The following NR2C1 variants were observed in gnomAD, a reference collection of about 807,000 sequenced individuals.
NR2C1 encodes the protein nuclear receptor subfamily 2 group C member 1, also known as TR2 nuclear hormone receptor.
In NR2C1, 33 loss-of-function variants were observed where a neutral mutation model predicts 74.8. The observed-to-expected ratio is 0.44, with a 90% CI of 0.33 to 0.59. The LOEUF (loss-of-function observed/expected upper bound fraction) is 0.59, where lower values mean the gene tolerates loss of function less well. Among genes scored for constraint, NR2C1 ranks in the 20% least tolerant of loss-of-function variants. NR2C1 has a pLI of 0.02. For missense variants in NR2C1, 568 were observed against 715.6 expected, an observed-to-expected ratio of 0.79 and a Z score of 2.35; for synonymous variants, 225 against 240.6, an observed-to-expected ratio of 0.94 and a Z score of 0.60.
chr12:95,033,722 C>T (rs1237798703), intron 10 of NR2C1, among the ~76,000 whole-genome samples: 2 of 152,162 alleles, frequency 1.3e-5, no homozygotes, highest in Admixed American at 1.3e-4. Context: ...CACGCACACA[C>T]GTATCCTCAC....
intron 11 of NR2C1, 68 bp from the exon 12 acceptor site, chr12:95,028,592 A>G (rs759041701): frequency 1.7e-6 from 2 of 1,175,062 alleles, no homozygotes; most frequent in Non-Finnish European, 2.4e-6. Context: ...CATCCAATAT[A>G]TTTCCCTCTC....
chr12:95,030,064 TG>T (rs1869882763), intron 11 of NR2C1, among the ~76,000 whole-genome samples: 1 of 151,846 alleles, frequency 6.6e-6, no homozygotes, highest in Non-Finnish European at 1.5e-5. Context: ...TCTGTAGAGG[TG>T]GGGTACCACA....
intron 9 of NR2C1, among the ~76,000 whole-genome samples, chr12:95,043,689 C>CAAAAAAAAAAAAAAAAAAAAAAA (rs34229669): frequency 6.4e-5 from 6 of 94,286 alleles, no homozygotes; most frequent in Non-Finnish European, 6.8e-5. Context: ...GACTCTGTCT[C>CAAAAAAAAAAAAAAAAAAAAAAA]AAAAAAAAAA....
intron 7 of NR2C1, among the ~76,000 whole-genome samples, chr12:95,057,320 G>A (rs1014836570): frequency 1.3e-5 from 2 of 151,392 alleles, no homozygotes; most frequent in Admixed American, 6.6e-5. Flanking sequence ...GGTCAGGCTG[G>A]TCTTGAACTT....
chr12:95,046,214 C>T (rs767365357), intron 9 of NR2C1, among the ~76,000 whole-genome samples: 27 of 152,150 alleles, frequency 1.8e-4, no homozygotes, highest in Non-Finnish European at 2.9e-5. Flanking sequence ...TAGACTATTT[C>T]TCCCTACTAC....
intron 12 of NR2C1, among the ~76,000 whole-genome samples, chr12:95,026,648 A>G (rs1869402024): frequency 6.6e-6 from 1 of 152,226 alleles, no homozygotes; most frequent in Non-Finnish European, 1.5e-5. Flanking sequence ...TACGTTACTA[A>G]CTCATAAGAA....
chr12:95,054,551 A>G (rs1475438309), intron 7 of NR2C1, among the ~76,000 whole-genome samples: 1 of 151,916 alleles, frequency 6.6e-6, no homozygotes, highest in African/African-American at 2.4e-5. Context: ...GAACTCTTCA[A>G]CTTCAGCCTC....
rs774335160 is a variant in NR2C1, at chr12:95,062,608, T to C, written c.185A>G (p.Gln62Arg). Residue 62 changes from glutamine to arginine, a missense_variant, in exon 3 of 14, where the codon CAA (glutamine) becomes CGA (arginine). Gln to Arg is a conservative substitution (Grantham distance 43). Around this residue, in one of 6 missense-constraint regions of NR2C1, gnomAD observed 128 missense variants for 118.9 expected, o/e 1.08. Coordinates refer to ENST00000333003, the MANE Select transcript of NR2C1 (RefSeq NM_003297.4). ...GAAAACTTTTCCCGGAGTGGAATCT[T>C]GCCTGGCCAGAATGACTTTGCTTGG... is the stretch of plus-strand genomic sequence containing the variant. ...STPSKVILAR[Q>R]DSTPGKVFLT... 1 of 1,614,182 alleles carries C rather than the reference T, an allele frequency of 6.2e-7. No individual in the cohort carries two copies.
intron 10 of NR2C1, among the ~76,000 whole-genome samples, chr12:95,034,866 A>G (rs1227757658): frequency 6.6e-6 from 1 of 152,168 alleles, no homozygotes; most frequent in African/African-American, 2.4e-5. Context: ...TGATGTTCAC[A>G]ATGACAAAAC....
At position 95,020,923 on chromosome 12, in the gene NR2C1, T is replaced by C. The variant is rs1191831968; in HGVS notation, c.*1306A>G. ...TTACAGTGAAAAAAATCAGTGAATA[T>C]TTCTTTATTTTAAAAAATTATCAAT... On this transcript the variant is annotated 3_prime_UTR_variant, in exon 14 of 14. Transcript: ENST00000333003. 6.6e-6 allele frequency: 1 copy of C among 152,184 alleles called. No homozygotes were observed. The highest frequency in any genetic ancestry group is 1.5e-5 in the Non-Finnish European group (1 of 68,024). The allele number at this position is 152,184 out of a possible 1,614,324, so 9.4% of individuals were successfully genotyped here. A position where few individuals can be genotyped will look rare whatever the true frequency, so the allele number is the denominator to read the frequency against.
intron 10 of NR2C1, among the ~76,000 whole-genome samples, chr12:95,039,601 T>G (rs985720372): frequency 6.6e-6 from 1 of 152,212 alleles, no homozygotes; most frequent in African/African-American, 2.4e-5. Flanking sequence ...CCATTTTCTA[T>G]CTCATCTGAT....
At chr12:95,042,970 A>G (rs1871788681) in intron 9 of NR2C1, among the ~76,000 whole-genome samples, 1 of 151,720 alleles carries the variant, frequency 6.6e-6, no homozygotes, top group African/African-American at 2.4e-5. Flanking sequence ...CAAAACAAAA[A>G]ATTAAAAATT....
chr12:95,025,345 A>G (rs1040532081), intron 12 of NR2C1, 90 bp from the exon 13 acceptor site: 1 of 668,804 alleles, frequency 1.5e-6, no homozygotes, highest in Non-Finnish European at 2.5e-6. Context: ...GAATAGTCAA[A>G]ATAGAAGCCC....
At chr12:95,034,832 G>A (rs1255151063) in intron 10 of NR2C1, among the ~76,000 whole-genome samples, 2 of 152,232 alleles carry the variant, frequency 1.3e-5, no homozygotes, top group South Asian at 4.2e-4. Flanking sequence ...TTGATGTGTA[G>A]TAGGTTTGTG....
chr12:95,045,048 G>C (rs892589786), intron 9 of NR2C1, among the ~76,000 whole-genome samples: 2 of 152,060 alleles, frequency 1.3e-5, no homozygotes, highest in Non-Finnish European at 2.9e-5. Flanking sequence ...CACACAAATA[G>C]AAAAAAATCA....
chr12:95,030,008 T>G (rs1035938054), intron 11 of NR2C1, among the ~76,000 whole-genome samples: 1 of 152,162 alleles, frequency 6.6e-6, no homozygotes, highest in Non-Finnish European at 1.5e-5. Flanking sequence ...GCTGGGACTA[T>G]GACTATAGGC....
chr12:95,031,804 A>G (rs1308219224), intron 10 of NR2C1, among the ~76,000 whole-genome samples: 2 of 152,252 alleles, frequency 1.3e-5, no homozygotes, highest in Non-Finnish European at 2.9e-5. Context: ...AAGCAAAAGC[A>G]TATATTAAAA....
At chr12:95,055,928 G>A (rs932933349) in intron 7 of NR2C1, among the ~76,000 whole-genome samples, 3 of 144,218 alleles carry the variant, frequency 2.1e-5, no homozygotes, top group Middle Eastern at 3.6e-3. Context: ...ACTCCAGACG[G>A]GGTAACAGAG....
chr12:95,071,705 A>C (rs1876643008), intron 1 of NR2C1, among the ~76,000 whole-genome samples: 1 of 151,472 alleles, frequency 6.6e-6, no homozygotes, highest in Non-Finnish European at 1.5e-5. Flanking sequence ...AGAAACTAAC[A>C]TGCCCCTTGA....
Sources: gnomAD v4.1 joint callset for allele counts (sites outside exome capture counted in the v4.1 genomes callset) on GRCh38, gnomAD v4.1.1 for gene constraint, gnomAD v4.1.1 regional missense constraint, MANE v1.5 for transcripts, NCBI Gene and HGNC (gene_info 2026-07-23, HGNC 2026-07-21) for gene names.